Variants in SLC22A23 observed in about 807,000 individuals in gnomAD.
SLC22A23 encodes the protein solute carrier family 22 member 23, also known as ion transporter protein.
Under a neutral mutation model 61.0 loss-of-function variants are expected in SLC22A23, and 26 were observed. The ratio of observed to expected loss-of-function variants is 0.43; its 90% CI spans 0.31 to 0.59. SLC22A23 has a LOEUF of 0.59. Among genes scored for constraint, SLC22A23 ranks in the 20% least tolerant of loss-of-function variants. The pLI, the probability that SLC22A23 is intolerant of heterozygous loss-of-function variation, is 0.11. For synonymous variants in SLC22A23, 430 were observed against 413.9 expected (o/e 1.04, Z -0.47); for missense variants, 796 against 934.7 (o/e 0.85, Z 1.94).
At chr6:3,455,127 C>T (rs1772330863) in intron 1 of SLC22A23, among the ~76,000 whole-genome samples, 1 of 152,194 alleles carries the variant, frequency 6.6e-6, no homozygotes, top group Non-Finnish European at 1.5e-5. Context: ...TCTCACAACT[C>T]CCTTCTGCTA....
At chr6:3,310,426 ACTC>A (rs1762308756) in intron 4 of SLC22A23, among the ~76,000 whole-genome samples, 32 of 148,396 alleles carry the variant, frequency 2.2e-4, no homozygotes, top group Middle Eastern at 3.5e-3. Flanking sequence ...CCTGTCTCCC[ACTC>A]GAGCACCCTG....
intron 1 of SLC22A23, among the ~76,000 whole-genome samples, chr6:3,447,895 CTCTTT>C (rs1771983140): frequency 5.1e-5 from 4 of 78,116 alleles, no homozygotes; most frequent in Admixed American, 2.7e-4. Flanking sequence ...GCCTCTCTCT[CTCTTT>C]TTTTTTTTTT....
chr6:3,401,968 G>A (rs1768422730), intron 3 of SLC22A23, among the ~76,000 whole-genome samples: 1 of 152,188 alleles, frequency 6.6e-6, no homozygotes, highest in African/African-American at 2.4e-5. Flanking sequence ...GAAGGGAGTG[G>A]TCGGTAGCTT....
chr6:3,359,291 G>C (rs991111428), intron 3 of SLC22A23, among the ~76,000 whole-genome samples: 1 of 152,162 alleles, frequency 6.6e-6, no homozygotes, highest in Admixed American at 6.5e-5. Flanking sequence ...ATGCTGCTAA[G>C]CTATGCTAGC....
intron 6 of SLC22A23, among the ~76,000 whole-genome samples, chr6:3,288,889 C>A (rs569182779): frequency 1.3e-5 from 2 of 152,336 alleles, no homozygotes; most frequent in East Asian, 3.9e-4. Flanking sequence ...CTCTTGTACT[C>A]CTCACAAATC....
chr6:3,398,510 C>T (rs1239148732), intron 3 of SLC22A23, among the ~76,000 whole-genome samples: 4 of 138,624 alleles, frequency 2.9e-5, no homozygotes, highest in Non-Finnish European at 6.2e-5. Flanking sequence ...GAAGGAAAAA[C>T]GAAAAGAAAA....
rs547808117 is a variant in SLC22A23, at chr6:3,320,234, G to A, written c.1082+3600C>T. On this transcript the variant is annotated intron_variant, in intron 4 of 9. Coordinates refer to ENST00000406686, the MANE Select transcript of SLC22A23 (RefSeq NM_015482.2). ...CCTTCTTTCCCTGGAGCTCAGTGTCGTACTTCTAAAAAATGCTGTATTTTA... is the reference window on the plus strand; with the variant it reads ...CCTTCTTTCCCTGGAGCTCAGTGTCATACTTCTAAAAAATGCTGTATTTTA... Among the ~76,000 whole-genome samples, 17 of 152,136 alleles carry A rather than the reference G, an allele frequency of 1.1e-4. 1 individual carries two copies. In the South Asian group the frequency reaches 1.5e-3, roughly 13 times the overall value.
intron 3 of SLC22A23, among the ~76,000 whole-genome samples, chr6:3,406,609 T>C (rs1011746486): frequency 1.6e-4 from 25 of 152,150 alleles, no homozygotes; most frequent in African/African-American, 5.8e-4. Flanking sequence ...CAAGTGTATT[T>C]AGAAATTAGT....
intron 3 of SLC22A23, among the ~76,000 whole-genome samples, chr6:3,362,924 C>T (rs9328164): frequency 0.7 from 106,435 of 151,692 alleles, 37,555 homozygotes; most frequent in East Asian, 0.84. Context: ...TCCATGTGCG[C>T]GTGAATGAAA....
intron 3 of SLC22A23, among the ~76,000 whole-genome samples, chr6:3,337,462 TTA>T (rs1763922496): frequency 6.6e-6 from 1 of 151,730 alleles, no homozygotes; most frequent in African/African-American, 2.4e-5. Context: ...TTTTTTTTTT[TTA>T]AATCCTGCCT....
At position 3,410,409 on chromosome 6, in the gene SLC22A23, C is replaced by T; in HGVS notation, c.759-67G>A. On this transcript the variant is annotated intron_variant, in intron 2 of 9. Transcript: ENST00000406686. The surrounding 1 kb of genome is among the most constrained non-coding windows in gnomAD (Gnocchi z 5.0). Reference sequence around the variant, plus strand: ...AAGACAATGACGCTAGATGCTGAAACCCGGTGTCCAGCAGGCACTCAATAT... The same window carrying T: ...AAGACAATGACGCTAGATGCTGAAATCCGGTGTCCAGCAGGCACTCAATAT... The T allele has an allele frequency of 6.8e-7, 1 of 1,481,282 alleles. No homozygotes were observed. Among genetic ancestry groups the T allele is most frequent in the Non-Finnish European group, 9.0e-7 (1 of 1,105,648 alleles). 91.8% of individuals were successfully genotyped at this position (1,481,282 alleles called of 1,614,324 possible). A position where few individuals can be genotyped will look rare whatever the true frequency, so the allele number is the denominator to read the frequency against.
Position 3,366,332 on chromosome 6 carries a change from C to CAAAAAA in SLC22A23, c.914-42336_914-42331dup, listed in dbSNP as rs11387672. ...TGGGTGACAGAGCAAGACTCTGTCT[C>CAAAAAA]AAAAAAAAAAAAAAAAAAAAAAAAA... is the stretch of plus-strand genomic sequence containing the variant. On this transcript the variant is annotated intron_variant, in intron 3 of 9. Coordinates refer to ENST00000406686, the MANE Select transcript of SLC22A23 (RefSeq NM_015482.2). 4.5e-3 allele frequency among the ~76,000 whole-genome samples: 333 copies of CAAAAAA among 74,118 alleles called. 18 individuals carry two copies. The highest frequency in any genetic ancestry group is 0.017 in the African/African-American group (267 of 15,894). 48.6% of individuals were successfully genotyped at this position (74,118 alleles called of 152,430 possible).
Position 3,390,102 on chromosome 6 carries a change from GTCCGT to G in SLC22A23, c.913+20081_913+20085del, listed in dbSNP as rs1561945763. Reference sequence around the variant, plus strand: ...ATCACTGGGCCAGTTGCCACCATCCGTCCGTGGGCTCATCCGGAACAGCAACCAGC... The same window carrying G: ...ATCACTGGGCCAGTTGCCACCATCCGGGGCTCATCCGGAACAGCAACCAGC... On this transcript the variant is annotated intron_variant, in intron 3 of 9. Coordinates refer to ENST00000406686, the MANE Select transcript of SLC22A23 (RefSeq NM_015482.2). The surrounding 1 kb of genome is among the most constrained non-coding windows in gnomAD (Gnocchi z 4.0). Among the ~76,000 whole-genome samples, 1 of 152,166 alleles carries G rather than the reference GTCCGT, an allele frequency of 6.6e-6. No individual in the cohort carries two copies.
chr6:3,315,846 A>G (rs959893551), intron 4 of SLC22A23, among the ~76,000 whole-genome samples: 1 of 151,248 alleles, frequency 6.6e-6, no homozygotes, highest in Non-Finnish European at 1.5e-5. Flanking sequence ...CCTGGGCGAC[A>G]GAGTGAGAAT....
At chr6:3,419,272 T>C (rs1423665140) in intron 1 of SLC22A23, among the ~76,000 whole-genome samples, 1 of 152,130 alleles carries the variant, frequency 6.6e-6, no homozygotes, top group African/African-American at 2.4e-5. Context: ...GAACATCCCA[T>C]CCGTGCTCCA....
At chr6:3,423,248 A>G (rs1182161973) in intron 1 of SLC22A23, among the ~76,000 whole-genome samples, 1 of 151,978 alleles carries the variant, frequency 6.6e-6, no homozygotes, top group Admixed American at 6.6e-5. Flanking sequence ...ATCCTCAGTG[A>G]TGTGTAGGAT....
intron 1 of SLC22A23, among the ~76,000 whole-genome samples, chr6:3,435,524 C>T (rs937730055): frequency 7.2e-5 from 11 of 152,158 alleles, no homozygotes; most frequent in Non-Finnish European, 1.0e-4. Flanking sequence ...ATTGTGAACA[C>T]GGCAGCCAAC....
Position 3,324,906 on chromosome 6 carries a change from G to A in SLC22A23, c.914-904C>T, listed in dbSNP as rs990613105. Among the ~76,000 whole-genome samples the A allele has an allele frequency of 5.3e-5, 8 of 152,228 alleles. No homozygotes were observed. Among genetic ancestry groups the A allele is most frequent in the Non-Finnish European group, 1.2e-4 (8 of 68,050 alleles). On this transcript the variant is annotated intron_variant, in intron 3 of 9. Transcript: ENST00000406686. This position sits in a 1 kb window ranked among gnomAD's most constrained non-coding sequence, Gnocchi z 4.3. ...GAAAACTTTAATCTGTGGCACCCAA[G>A]TGACAACCAATACAGACTTACTACT...
chr6:3,356,028 G>A (rs74790600), intron 3 of SLC22A23, among the ~76,000 whole-genome samples: 2,994 of 15,606 alleles, frequency 0.19, 543 homozygotes, highest in East Asian at 0.48. Flanking sequence ...ACAGCAAACG[G>A]GGTGGGGAGA....
Sources: gnomAD v4.1 joint callset for allele counts (sites outside exome capture counted in the v4.1 genomes callset) on GRCh38, gnomAD v4.1.1 for gene constraint, Gnocchi (gnomAD v3.1) non-coding constraint, MANE v1.5 for transcripts, NCBI Gene and HGNC (gene_info 2026-07-23, HGNC 2026-07-21) for gene names.